MITF: variants seen among roughly 807,000 people sequenced by gnomAD.
The protein encoded by MITF is microphthalmia-associated transcription factor.
Under a neutral mutation model 60.5 loss-of-function variants are expected in MITF, and 17 were observed. The ratio of observed to expected loss-of-function variants is 0.28; its 90% CI spans 0.19 to 0.42. The LOEUF is 0.42. MITF is among the 10% of genes least tolerant of loss of function. MITF has a pLI of 1.00. For synonymous variants in MITF, 260 were observed against 248.5 expected (o/e 1.05, Z -0.43); for missense variants, 622 against 683.5 (o/e 0.91, Z 1.00).
At chr3:69,800,218 T>C (rs990617754) in intron 1 of MITF, among the ~76,000 whole-genome samples, 1 of 152,230 alleles carries the variant, frequency 6.6e-6, no homozygotes, top group Non-Finnish European at 1.5e-5. Context: ...TGGCCTTTCA[T>C]GTCTAGCTTC....
chr3:69,902,323 A>T (rs1247889862), intron 2 of MITF, among the ~76,000 whole-genome samples: 1 of 152,178 alleles, frequency 6.6e-6, no homozygotes. Context: ...ACCCCATACT[A>T]AATATATGTA....
intron 1 of MITF, among the ~76,000 whole-genome samples, chr3:69,792,352 C>T (rs2062754192): frequency 6.6e-6 from 1 of 152,164 alleles, no homozygotes; most frequent in East Asian, 1.9e-4. Flanking sequence ...TTCAAGTTTT[C>T]CTATGTGCTG....
At chr3:69,842,052 C>T (rs1439628840) in intron 1 of MITF, among the ~76,000 whole-genome samples, 3 of 152,148 alleles carry the variant, frequency 2.0e-5, no homozygotes, top group African/African-American at 7.2e-5. Flanking sequence ...AAACATGATA[C>T]CTATCAAATA....
Position 69,966,488 on chromosome 3 carries a change from C to A in MITF, c.*1240C>A, listed in dbSNP as rs1457182848. ...TTTAGGACATGAAAATAGCAATATT[C>A]TTGGAGATTGATAACCATAGCATTA... On this transcript the variant is annotated 3_prime_UTR_variant, in exon 10 of 10. Coordinates refer to ENST00000352241, the MANE Select transcript of MITF (RefSeq NM_001354604.2). The A allele has an allele frequency of 4.3e-6, 1 of 232,622 alleles. No individual in the cohort carries two copies. The highest frequency in any genetic ancestry group is 8.5e-6 in the Non-Finnish European group (1 of 117,570). 14.4% of individuals were successfully genotyped at this position (232,622 alleles called of 1,614,324 possible).
chr3:69,832,593 T>C (rs1443773377), intron 1 of MITF, among the ~76,000 whole-genome samples: 1 of 152,382 alleles, frequency 6.6e-6, no homozygotes, highest in East Asian at 1.9e-4. Flanking sequence ...GCTGTTTTCC[T>C]ATGACATTGT....
At chr3:69,770,059 T>C (rs2062369307) in intron 1 of MITF, among the ~76,000 whole-genome samples, 1 of 152,232 alleles carries the variant, frequency 6.6e-6, no homozygotes, top group Non-Finnish European at 1.5e-5. Flanking sequence ...CTCAGATAGA[T>C]ATTTGTGTAT....
intron 1 of MITF, among the ~76,000 whole-genome samples, chr3:69,820,615 C>T (rs1034825463): frequency 6.6e-6 from 1 of 152,108 alleles, no homozygotes. Context: ...CCTGGTAAAA[C>T]TTCTTTGTAA....
intron 9 of MITF, 108 bp from the exon 10 acceptor site, chr3:69,964,739 T>G: frequency 1.1e-6 from 1 of 950,900 alleles, no homozygotes; most frequent in Non-Finnish European, 1.6e-6. Flanking sequence ...TGGCCAAATG[T>G]CTAATGACGC....
intron 1 of MITF, among the ~76,000 whole-genome samples, chr3:69,846,124 G>A (rs1005951933): frequency 8.2e-6 from 1 of 122,090 alleles, no homozygotes; most frequent in African/African-American, 3.3e-5. Flanking sequence ...GTTAGACCTT[G>A]CTGCCTAGGG....
chr3:69,874,470 C>T (rs561621170), intron 1 of MITF, among the ~76,000 whole-genome samples: 1 of 152,244 alleles, frequency 6.6e-6, no homozygotes, highest in Admixed American at 6.5e-5. Context: ...ATGTTTCAGT[C>T]ATTGTGCTAA....
At chr3:69,771,246 TG>T (rs1023332737) in intron 1 of MITF, among the ~76,000 whole-genome samples, 1 of 110,782 alleles carries the variant, frequency 9.0e-6, no homozygotes, top group African/African-American at 2.8e-5. Flanking sequence ...CGTTTAAACA[TG>T]GGTTTTTTTT....
At chr3:69,759,722 C>T (rs1362994198) in intron 1 of MITF, among the ~76,000 whole-genome samples, 1 of 152,194 alleles carries the variant, frequency 6.6e-6, no homozygotes, top group East Asian at 1.9e-4. Context: ...ACTATCTGCT[C>T]AGATGTTGTG....
rs1046528613 is a variant in MITF at position 69,839,624 on chromosome 3, C to T, written c.105-39510C>T. On this transcript the variant is annotated intron_variant, in intron 1 of 9. Transcript: ENST00000352241. ...CTTCGTTTCAGCTCATGGAGGCCAC[C>T]GTGAGGGGCTGGGGCATGTCAGTGG... 1.2e-4 allele frequency among the ~76,000 whole-genome samples: 18 copies of T among 151,948 alleles called. No homozygotes were observed. The East Asian group carries it at 2.9e-3, about 25-fold the overall frequency.
At chr3:69,813,038 A>G (rs62251025) in intron 1 of MITF, among the ~76,000 whole-genome samples, 24,939 of 152,140 alleles carry the variant, frequency 0.16, 2,205 homozygotes, top group South Asian at 0.21. Context: ...TGTACTTACT[A>G]TGAGCCACTT....
intron 1 of MITF, among the ~76,000 whole-genome samples, chr3:69,841,644 T>C (rs534817169): frequency 5.1e-4 from 77 of 152,368 alleles, no homozygotes; most frequent in African/African-American, 1.8e-3. Flanking sequence ...CAGAGCACAG[T>C]GCTCAGCAGA....
chr3:69,775,137 A>G (rs2062453509), intron 1 of MITF, among the ~76,000 whole-genome samples: 2 of 152,078 alleles, frequency 1.3e-5, no homozygotes, highest in African/African-American at 4.8e-5. Flanking sequence ...ATGGTTTCCT[A>G]ATCTTATCCT....
chr3:69,797,449 A>T (rs573853826), intron 1 of MITF, among the ~76,000 whole-genome samples: 1 of 152,332 alleles, frequency 6.6e-6, no homozygotes, highest in South Asian at 2.1e-4. Flanking sequence ...TTTTGGCCAG[A>T]CAGGAAAGAT....
chr3:69,940,358 G>A lies in MITF; in HGVS notation c.667-878G>A, dbSNP rs539279607. Among the ~76,000 whole-genome samples, 3 of 152,340 alleles carry A rather than the reference G, an allele frequency of 2.0e-5. No individual in the cohort carries two copies. In the South Asian group the frequency reaches 6.2e-4, roughly 32 times the overall value. On this transcript the variant is annotated intron_variant, in intron 4 of 9. Coordinates refer to ENST00000352241, the MANE Select transcript of MITF (RefSeq NM_001354604.2). ...GAAGTCCTGTTAAGACCCAAGCACAGACACACCAACTAGCTCAAATACATA... is the reference window on the plus strand; with the variant it reads ...GAAGTCCTGTTAAGACCCAAGCACAAACACACCAACTAGCTCAAATACATA...
intron 1 of MITF, among the ~76,000 whole-genome samples, chr3:69,846,963 A>G (rs2063743526): frequency 6.6e-6 from 1 of 151,604 alleles, no homozygotes; most frequent in Middle Eastern, 3.2e-3. Flanking sequence ...ATAATTCCAT[A>G]TTTTCTGCAC....
Sources: allele counts gnomAD v4.1 joint callset (sites outside exome capture counted in the v4.1 genomes callset), GRCh38; gene constraint gnomAD v4.1.1; transcripts MANE v1.5; gene names NCBI Gene and HGNC (gene_info 2026-07-23, HGNC 2026-07-21).